Variants in EXOC4 observed in about 807,000 individuals in gnomAD.
EXOC4 encodes SEC8-like 1.
Under a neutral mutation model 107.2 loss-of-function variants are expected in EXOC4, and 71 were observed. The observed-to-expected ratio is 0.66, with a 90% CI of 0.55 to 0.81. The LOEUF is 0.81. Among genes scored for constraint, EXOC4 ranks in the 30% least tolerant of loss-of-function variants. The probability of loss-of-function intolerance (pLI) is 0.00; values close to 1 mark genes in which losing one functional copy is unlikely to be tolerated. For synonymous variants in EXOC4, 456 were observed against 441.2 expected (o/e 1.03, Z -0.42); for missense variants, 1,108 against 1,189.6 (o/e 0.93, Z 1.01).
intron 9 of EXOC4, among the ~76,000 whole-genome samples, chr7:133,502,872 A>G (rs1384576389): frequency 6.6e-6 from 1 of 152,134 alleles, no homozygotes; most frequent in Admixed American, 6.6e-5. Flanking sequence ...TCATTCTGCC[A>G]AGTTAAAACT....
chr7:133,590,310 G>C (rs1801511454), intron 9 of EXOC4, among the ~76,000 whole-genome samples: 1 of 151,868 alleles, frequency 6.6e-6, no homozygotes, highest in Non-Finnish European at 1.5e-5. Flanking sequence ...TTATTTTAGA[G>C]GTAGGGTCTC....
At chr7:133,384,711 CTT>C (rs74925808) in intron 7 of EXOC4, among the ~76,000 whole-genome samples, 9 of 84,024 alleles carry the variant, frequency 1.1e-4, no homozygotes, top group East Asian at 3.6e-4. Flanking sequence ...CTGAATTGGT[CTT>C]TTTTTTTTTT....
intron 11 of EXOC4, among the ~76,000 whole-genome samples, chr7:133,820,549 A>C (rs1295245696): frequency 6.6e-6 from 1 of 152,258 alleles, no homozygotes; most frequent in Admixed American, 6.5e-5. Context: ...CTGAGAATCC[A>C]AAACAAATGT....
In EXOC4 at chr7:133,787,335, TTGTGTGTG is replaced by T. The variant is rs757017206; in HGVS notation, c.1515-29943_1515-29936del. Among the ~76,000 whole-genome samples, 375 of 113,910 alleles carry T rather than the reference TTGTGTGTG, an allele frequency of 3.3e-3. 3 individuals are homozygous for T. The highest frequency in any genetic ancestry group is 0.011 in the African/African-American group (354 of 30,962). 74.7% of individuals were successfully genotyped at this position (113,910 alleles called of 152,430 possible). A position where few individuals can be genotyped will look rare whatever the true frequency, so the allele number is the denominator to read the frequency against. ...GCGTGCACCACCACAATAGGCTAAT[TTGTGTGTG>T]TGTGTGTGTGTGTGTGTGTGTGTGT... On this transcript the variant is annotated intron_variant, in intron 10 of 17. Transcript: ENST00000253861.
intron 9 of EXOC4, among the ~76,000 whole-genome samples, chr7:133,597,812 A>C (rs1801716537): frequency 6.6e-6 from 1 of 151,976 alleles, no homozygotes; most frequent in Non-Finnish European, 1.5e-5. Flanking sequence ...GGAGTTCGAG[A>C]TCAGTCTGGC....
intron 11 of EXOC4, among the ~76,000 whole-genome samples, chr7:133,845,136 A>G (rs555428000): frequency 1.3e-5 from 2 of 152,204 alleles, no homozygotes; most frequent in East Asian, 1.9e-4. Context: ...CTATTTAGAA[A>G]GATGATATGG....
chr7:133,659,473 T>A (rs1803386781), intron 10 of EXOC4, among the ~76,000 whole-genome samples: 1 of 152,172 alleles, frequency 6.6e-6, no homozygotes, highest in Non-Finnish European at 1.5e-5. Flanking sequence ...TATATTGTTA[T>A]TTGCATTTCT....
intron 11 of EXOC4, among the ~76,000 whole-genome samples, chr7:133,883,364 A>G (rs1178848487): frequency 6.8e-6 from 1 of 146,390 alleles, no homozygotes; most frequent in Non-Finnish European, 1.5e-5. Flanking sequence ...TGATTAGGCC[A>G]GGCACAGTGG....
intron 6 of EXOC4, among the ~76,000 whole-genome samples, chr7:133,358,687 A>G (rs1405919626): frequency 6.6e-6 from 1 of 152,232 alleles, no homozygotes; most frequent in Non-Finnish European, 1.5e-5. Flanking sequence ...TTGCTGTAGT[A>G]TATATTGGAA....
At chr7:133,616,164 A>G (rs570656872) in intron 9 of EXOC4, among the ~76,000 whole-genome samples, 7 of 152,164 alleles carry the variant, frequency 4.6e-5, no homozygotes, top group Non-Finnish European at 1.0e-4. Context: ...TATTATGCAT[A>G]TATAAGTTGG....
chr7:133,387,611 C>T (rs758130453), intron 7 of EXOC4, among the ~76,000 whole-genome samples: 1 of 152,104 alleles, frequency 6.6e-6, no homozygotes, highest in African/African-American at 2.4e-5. Flanking sequence ...GGTTGCTTCC[C>T]GCCCCCATTT....
chr7:133,858,768 G>T (rs1199249050), intron 11 of EXOC4, among the ~76,000 whole-genome samples: 1 of 152,152 alleles, frequency 6.6e-6, no homozygotes, highest in Non-Finnish European at 1.5e-5. Context: ...CCCCATGGCG[G>T]TTAATCCAAA....
intron 10 of EXOC4, among the ~76,000 whole-genome samples, chr7:133,741,930 C>T (rs766101291): frequency 3.3e-5 from 5 of 152,158 alleles, no homozygotes; most frequent in African/African-American, 4.8e-5. Context: ...TTACAGTGCC[C>T]TCAGGGACTG....
intron 17 of EXOC4, among the ~76,000 whole-genome samples, chr7:134,063,243 T>C (rs77533726): frequency 0.03 from 4,589 of 152,230 alleles, 191 homozygotes; most frequent in African/African-American, 0.095. Context: ...CTAGAATTTC[T>C]TTCCTGGAAG....
At chr7:133,365,276 C>T (rs1043857683) in intron 6 of EXOC4, among the ~76,000 whole-genome samples, 4 of 152,102 alleles carry the variant, frequency 2.6e-5, no homozygotes, top group Non-Finnish European at 5.9e-5. Context: ...CTTTTGTTAT[C>T]CCTGGGAAGT....
chr7:133,915,663 G>C (rs1165506733), intron 12 of EXOC4, among the ~76,000 whole-genome samples: 2 of 152,200 alleles, frequency 1.3e-5, no homozygotes, highest in African/African-American at 2.4e-5. Context: ...CATGCTATAA[G>C]ATTGCACCTA....
At chr7:133,653,008 A>G (rs1239121620) in intron 10 of EXOC4, among the ~76,000 whole-genome samples, 2 of 152,210 alleles carry the variant, frequency 1.3e-5, no homozygotes, top group Non-Finnish European at 2.9e-5. Context: ...GGCAATGCTT[A>G]CAATTTTTTA....
chr7:133,388,464 A>G (rs1050821499), intron 7 of EXOC4, among the ~76,000 whole-genome samples: 2 of 152,044 alleles, frequency 1.3e-5, no homozygotes, highest in African/African-American at 4.8e-5. Flanking sequence ...ATCCTGGCCA[A>G]TGTGGTGAAA....
intron 7 of EXOC4, among the ~76,000 whole-genome samples, chr7:133,390,325 C>A (rs1796825158): frequency 6.6e-6 from 1 of 152,198 alleles, no homozygotes; most frequent in African/African-American, 2.4e-5. Flanking sequence ...CATGATGATG[C>A]CACATTTTGC....
Sources: allele counts gnomAD v4.1 joint callset (sites outside exome capture counted in the v4.1 genomes callset), GRCh38; gene constraint gnomAD v4.1.1; transcripts MANE v1.5; gene names NCBI Gene and HGNC (gene_info 2026-07-23, HGNC 2026-07-21).